The following PLD5 variants were observed in gnomAD, a reference collection of about 807,000 sequenced individuals.
PLD5 encodes the protein phospholipase D family member 5.
A neutral mutation model predicts 61.1 loss-of-function variants in PLD5; 36 were observed. The observed-to-expected ratio is 0.59, with a 90% CI of 0.45 to 0.78. The LOEUF is 0.78. Among genes scored for constraint, PLD5 ranks in the 30% least tolerant of loss-of-function variants. PLD5 has a pLI of 0.00. For missense variants in PLD5, 515 were observed against 644.4 expected (o/e 0.80, Z 2.17); for synonymous variants, 243 against 242.8 (o/e 1.00, Z -0.01).
chr1:242,257,911 C>T (rs1673170311), intron 4 of PLD5, among the ~76,000 whole-genome samples: 1 of 152,156 alleles, frequency 6.6e-6, no homozygotes, highest in East Asian at 1.9e-4. Context: ...TCATGCCTGT[C>T]ACGTTTACCA....
intron 1 of PLD5, among the ~76,000 whole-genome samples, chr1:242,447,292 C>T (rs12401884): frequency 0.021 from 3,128 of 152,300 alleles, 133 homozygotes; most frequent in East Asian, 0.14. Context: ...AGTTCTGACA[C>T]GCTCCTGACT....
intron 8 of PLD5, among the ~76,000 whole-genome samples, chr1:242,106,679 C>A (rs973578209): frequency 6.6e-6 from 1 of 152,278 alleles, no homozygotes; most frequent in South Asian, 2.1e-4. Flanking sequence ...AGGGTCAGGG[C>A]GATCTTGGAA....
intron 5 of PLD5, among the ~76,000 whole-genome samples, chr1:242,139,792 T>C (rs1558263350): frequency 6.6e-6 from 1 of 152,112 alleles, no homozygotes; most frequent in Non-Finnish European, 1.5e-5. Context: ...GCACCTCAGA[T>C]GTAGTGCCTG....
chr1:242,442,803 A>G (rs931542693), intron 1 of PLD5, among the ~76,000 whole-genome samples: 4 of 152,208 alleles, frequency 2.6e-5, no homozygotes, highest in Non-Finnish European at 5.9e-5. Flanking sequence ...AATTTTCAGT[A>G]TCTTAAGAAA....
intron 1 of PLD5, among the ~76,000 whole-genome samples, chr1:242,419,270 G>C (rs2149296691): frequency 6.6e-6 from 1 of 152,324 alleles, no homozygotes; most frequent in African/African-American, 2.4e-5. Flanking sequence ...ACTTCCCTCA[G>C]TGGGTGGCAG....
chr1:242,299,457 A>T (rs1339435573), intron 2 of PLD5, among the ~76,000 whole-genome samples: 3 of 152,252 alleles, frequency 2.0e-5, no homozygotes, highest in Admixed American at 2.0e-4. Flanking sequence ...CAAGGAACTT[A>T]AGTAACTTGC....
chr1:242,423,166 A>C (rs766420332), intron 1 of PLD5, among the ~76,000 whole-genome samples: 11 of 152,158 alleles, frequency 7.2e-5, no homozygotes, highest in African/African-American at 2.7e-4. Context: ...GCATATTTCA[A>C]AACAAGTAGT....
chr1:242,172,962 C>T (rs1312602515), intron 5 of PLD5, among the ~76,000 whole-genome samples: 2 of 152,166 alleles, frequency 1.3e-5, no homozygotes, highest in South Asian at 2.1e-4. Flanking sequence ...CAAAGAGGAG[C>T]TGGTACCATT....
At chr1:242,185,513 C>T (rs751835842) in intron 5 of PLD5, among the ~76,000 whole-genome samples, 3 of 152,144 alleles carry the variant, frequency 2.0e-5, no homozygotes, top group Non-Finnish European at 4.4e-5. Context: ...TTTTAGACAT[C>T]CATAAACAAA....
chr1:242,237,849 C>G (rs1046141709), intron 4 of PLD5, among the ~76,000 whole-genome samples: 1 of 152,140 alleles, frequency 6.6e-6, no homozygotes, highest in African/African-American at 2.4e-5. Context: ...AGATAAATAA[C>G]CATAATTCCT....
intron 2 of PLD5, among the ~76,000 whole-genome samples, chr1:242,343,834 A>T (rs1013412535): frequency 6.6e-6 from 1 of 152,106 alleles, no homozygotes; most frequent in African/African-American, 2.4e-5. Flanking sequence ...GCATGGTGGT[A>T]TGCTAGTCAT....
At chr1:242,382,765 G>A (rs1350965011) in intron 1 of PLD5, among the ~76,000 whole-genome samples, 1 of 152,098 alleles carries the variant, frequency 6.6e-6, no homozygotes, top group Non-Finnish European at 1.5e-5. Flanking sequence ...TATTACATTA[G>A]TATTTTATAT....
intron 5 of PLD5, among the ~76,000 whole-genome samples, chr1:242,131,451 G>A (rs1218937314): frequency 1.3e-5 from 2 of 152,148 alleles, no homozygotes; most frequent in Admixed American, 6.5e-5. Context: ...CTGTGTGGTC[G>A]ATTGATAACA....
At chr1:242,348,288 C>G (rs1660255822) in intron 1 of PLD5, 46 bp from the exon 2 acceptor site, 2 of 1,551,452 alleles carry the variant, frequency 1.3e-6, no homozygotes, top group Non-Finnish European at 1.7e-6. Flanking sequence ...GTGCTGCTTT[C>G]TCTTGGGAAA....
chr1:242,515,219 T>TGA (rs372842417), intron 1 of PLD5, among the ~76,000 whole-genome samples: 2,671 of 150,818 alleles, frequency 0.018, 79 homozygotes, highest in African/African-American at 0.06. Flanking sequence ...TGTGTGTGTG[T>TGA]GAGAGAGAGA....
chr1:242,193,671 G>A (rs982205422), intron 5 of PLD5, among the ~76,000 whole-genome samples: 10 of 152,158 alleles, frequency 6.6e-5, no homozygotes, highest in African/African-American at 2.4e-4. Flanking sequence ...AGGAATATCA[G>A]GTTCATTCTC....
chr1:242,424,089 T>C (rs1018280566), intron 1 of PLD5, among the ~76,000 whole-genome samples: 2 of 152,346 alleles, frequency 1.3e-5, no homozygotes, highest in African/African-American at 4.8e-5. Flanking sequence ...TGCTCAGTGT[T>C]TGCATTATTG....
At chr1:242,299,456 T>C (rs1675903728) in intron 2 of PLD5, among the ~76,000 whole-genome samples, 1 of 152,244 alleles carries the variant, frequency 6.6e-6, no homozygotes, top group African/African-American at 2.4e-5. Context: ...ACAAGGAACT[T>C]AAGTAACTTG....
chr1:242,114,069 G>A, intron 6 of PLD5, 43 bp from the exon 7 acceptor site: 1 of 1,592,712 alleles, frequency 6.3e-7, no homozygotes, highest in South Asian at 1.1e-5. Context: ...ACTAATTTTT[G>A]GCAGCTGGGG....
Sources: allele counts gnomAD v4.1 joint callset (sites outside exome capture counted in the v4.1 genomes callset), GRCh38; gene constraint gnomAD v4.1.1; transcripts MANE v1.5; gene names NCBI Gene and HGNC (gene_info 2026-07-23, HGNC 2026-07-21).